GPC5: variants seen among roughly 807,000 people sequenced by gnomAD.
GPC5 encodes the protein glypican 5.
Under a neutral mutation model 53.9 loss-of-function variants are expected in GPC5, and 47 were observed. The ratio of observed to expected loss-of-function variants is 0.87; its 90% CI spans 0.69 to 1.11. GPC5 has a LOEUF of 1.11. GPC5 is among the 50% of genes most tolerant of loss of function. GPC5 has a pLI of 0.00. For synonymous variants in GPC5, 286 were observed against 263.3 expected, an observed-to-expected ratio of 1.09 and a Z score of -0.84; for missense variants, 748 against 713.1, an observed-to-expected ratio of 1.05 and a Z score of -0.56.
At chr13:92,353,642 A>G (rs1335159537) in intron 7 of GPC5, among the ~76,000 whole-genome samples, 2 of 152,158 alleles carry the variant, frequency 1.3e-5, no homozygotes, top group Non-Finnish European at 2.9e-5. Context: ...AATAAATATA[A>G]AGCAGACTAT....
intron 7 of GPC5, among the ~76,000 whole-genome samples, chr13:92,823,514 G>A (rs1298638328): frequency 2.0e-5 from 3 of 152,058 alleles, no homozygotes; most frequent in South Asian, 4.1e-4. Flanking sequence ...ATCATAGAGT[G>A]TACTACCATG....
At chr13:92,001,706 CATTTT>C (rs2040556527) in intron 6 of GPC5, among the ~76,000 whole-genome samples, 1 of 152,052 alleles carries the variant, frequency 6.6e-6, no homozygotes, top group Non-Finnish European at 1.5e-5. Context: ...TATTCCATTA[CATTTT>C]ATTTTTTGTG....
chr13:92,383,451 A>T (rs1199984734), intron 7 of GPC5, among the ~76,000 whole-genome samples: 3 of 152,224 alleles, frequency 2.0e-5, no homozygotes, highest in Non-Finnish European at 4.4e-5. Context: ...TAAACAAAGG[A>T]AATAGTGATA....
chr13:92,790,807 G>A (rs1293564772), intron 7 of GPC5, among the ~76,000 whole-genome samples: 2 of 152,026 alleles, frequency 1.3e-5, no homozygotes, highest in African/African-American at 4.8e-5. Context: ...CTCCTTCATT[G>A]AGAAGCTGAT....
chr13:92,835,353 T>A (rs1476483248), intron 7 of GPC5, among the ~76,000 whole-genome samples: 1 of 152,016 alleles, frequency 6.6e-6, no homozygotes, highest in Non-Finnish European at 1.5e-5. Flanking sequence ...TCAGGTAAAA[T>A]TCTCCAAATT....
chr13:92,284,282 C>G (rs920974121), intron 7 of GPC5, among the ~76,000 whole-genome samples: 1 of 152,050 alleles, frequency 6.6e-6, no homozygotes, highest in Admixed American at 6.6e-5. Context: ...CAGGACCAGA[C>G]GGATTCAGAG....
chr13:92,523,095 T>C lies in GPC5; in HGVS notation c.1562-343187T>C, dbSNP rs1881132936. Among the ~76,000 whole-genome samples, 4 of 152,150 alleles carry C rather than the reference T, an allele frequency of 2.6e-5. No individual in the cohort carries two copies. In the South Asian group the frequency reaches 8.3e-4, roughly 31 times the overall value. On this transcript the variant is annotated intron_variant, in intron 7 of 7. Transcript: ENST00000377067. ...TGATATAGGATGTTATTGATACAGT[T>C]AACGTAATTAAAACAAGACTTCTTT...
At chr13:92,239,318 A>G (rs983384903) in intron 7 of GPC5, among the ~76,000 whole-genome samples, 3 of 152,012 alleles carry the variant, frequency 2.0e-5, no homozygotes, top group African/African-American at 7.2e-5. Context: ...TTAAAAATGA[A>G]CAAGGGTTGT....
intron 7 of GPC5, among the ~76,000 whole-genome samples, chr13:92,480,538 A>C (rs1879308584): frequency 6.6e-6 from 1 of 152,208 alleles, no homozygotes; most frequent in Admixed American, 6.5e-5. Context: ...TACTAACAAT[A>C]GATCCATGGC....
intron 6 of GPC5, among the ~76,000 whole-genome samples, chr13:91,951,663 T>C (rs2139060459): frequency 6.6e-6 from 1 of 152,276 alleles, no homozygotes; most frequent in South Asian, 2.1e-4. Context: ...TTTTTACAAA[T>C]GTTAGGACTG....
chr13:91,886,199 G>T (rs1399398454), intron 5 of GPC5, among the ~76,000 whole-genome samples: 1 of 152,096 alleles, frequency 6.6e-6, no homozygotes, highest in Non-Finnish European at 1.5e-5. Flanking sequence ...TGTCTTACAT[G>T]GTGGCGGGCA....
At chr13:92,810,188 T>C (rs1472990795) in intron 7 of GPC5, among the ~76,000 whole-genome samples, 1 of 150,260 alleles carries the variant, frequency 6.7e-6, no homozygotes, top group Non-Finnish European at 1.5e-5. Context: ...TTCTACTAGG[T>C]AATCACAAAG....
intron 7 of GPC5, among the ~76,000 whole-genome samples, chr13:92,481,563 C>T (rs748846216): frequency 6.6e-6 from 1 of 152,148 alleles, no homozygotes; most frequent in Non-Finnish European, 1.5e-5. Context: ...ACTGAACTTT[C>T]ATTTGCTTAC....
intron 7 of GPC5, among the ~76,000 whole-genome samples, chr13:92,539,921 A>G (rs903279112): frequency 6.6e-6 from 1 of 152,028 alleles, no homozygotes; most frequent in Non-Finnish European, 1.5e-5. Context: ...AAAATTTAGA[A>G]TTAATTAATA....
At chr13:92,711,082 A>T (rs1423094105) in intron 7 of GPC5, among the ~76,000 whole-genome samples, 4 of 152,202 alleles carry the variant, frequency 2.6e-5, no homozygotes, top group African/African-American at 4.8e-5. Flanking sequence ...GTGATTTTAT[A>T]TTGAATGTTA....
chr13:92,806,181 C>A (rs539965614), intron 7 of GPC5, among the ~76,000 whole-genome samples: 1 of 152,232 alleles, frequency 6.6e-6, no homozygotes, highest in Non-Finnish European at 1.5e-5. Context: ...CAACCTTGCA[C>A]TTTTATGTTA....
chr13:91,498,396 C>T (rs1432223813), intron 2 of GPC5, among the ~76,000 whole-genome samples: 1 of 152,034 alleles, frequency 6.6e-6, no homozygotes, highest in Non-Finnish European at 1.5e-5. Flanking sequence ...GAGAAAAAAG[C>T]AACCTGTCTT....
At chr13:91,637,628 T>C (rs2034317008) in intron 2 of GPC5, among the ~76,000 whole-genome samples, 1 of 152,116 alleles carries the variant, frequency 6.6e-6, no homozygotes, top group South Asian at 2.1e-4. Context: ...TAAAAAGAGC[T>C]GGGAAACCCT....
chr13:92,791,767 C>G (rs981305335), intron 7 of GPC5, among the ~76,000 whole-genome samples: 1 of 152,016 alleles, frequency 6.6e-6, no homozygotes, highest in Non-Finnish European at 1.5e-5. Flanking sequence ...ACATAGCATA[C>G]AATTCACCCA....
Sources: allele counts gnomAD v4.1 joint callset (sites outside exome capture counted in the v4.1 genomes callset), GRCh38; gene constraint gnomAD v4.1.1; transcripts MANE v1.5; gene names NCBI Gene and HGNC (gene_info 2026-07-23, HGNC 2026-07-21).